Variants in NIPSNAP3B observed in about 807,000 individuals in gnomAD.
NIPSNAP3B encodes nipsnap homolog 3B.
Under a neutral mutation model 31.5 loss-of-function variants are expected in NIPSNAP3B, and 30 were observed. The ratio of observed to expected loss-of-function variants is 0.95; its 90% CI spans 0.71 to 1.29. NIPSNAP3B has a LOEUF of 1.29. NIPSNAP3B is among the 50% of genes most tolerant of loss of function. The pLI, the probability that NIPSNAP3B is intolerant of heterozygous loss-of-function variation, is 0.00. For synonymous variants in NIPSNAP3B, 106 were observed against 107.9 expected (o/e 0.98, Z 0.11); for missense variants, 269 against 300.7 (o/e 0.89, Z 0.78).
the NIPSNAP3B span, chr9:104,788,451 C>T: frequency 6.2e-7 from 1 of 1,614,150 alleles, no homozygotes. Context: ...CTCTGGGACT[C>T]CTCTCAAAAG....
Position 104,772,923 on chromosome 9 carries a change from T to A in NIPSNAP3B, c.667+15T>A. 1 of 1,613,762 alleles carries A rather than the reference T, an allele frequency of 6.2e-7. No homozygotes were observed. Among genetic ancestry groups the A allele is most frequent in the Non-Finnish European group, 8.5e-7 (1 of 1,179,844 alleles). ...TGTGGCGGCTGGTAAGCTGTTTCAC[T>A]AAGCACGAATTATTTTTAGAACAAA... On this transcript the variant is annotated intron_variant, in intron 5 of 5. Transcript: ENST00000374762.
intron 4 of NIPSNAP3B, among the ~76,000 whole-genome samples, chr9:104,772,312 A>G (rs1236950895): frequency 3.9e-5 from 1 of 25,464 alleles, no homozygotes; most frequent in African/African-American, 1.6e-4. Context: ...TTCAAAATTA[A>G]TATCATTGAC....
At chr9:104,769,233 C>T (rs1828156021) in intron 3 of NIPSNAP3B, among the ~76,000 whole-genome samples, 1 of 152,092 alleles carries the variant, frequency 6.6e-6, no homozygotes, top group Non-Finnish European at 1.5e-5. Flanking sequence ...GCGGGCGAAT[C>T]ACTTGAGGTC....
the NIPSNAP3B span, chr9:104,788,083 G>A: frequency 9.3e-6 from 15 of 1,611,086 alleles, no homozygotes; most frequent in African/African-American, 1.3e-5. Flanking sequence ...CCTTGACTTT[G>A]GTCTGGCTTG....
the NIPSNAP3B span, among the ~76,000 whole-genome samples, chr9:104,790,408 TA>T: frequency 6.6e-6 from 1 of 152,204 alleles, no homozygotes; most frequent in Non-Finnish European, 1.5e-5. Context: ...TACATGTACA[TA>T]GGGGGATTTT....
chr9:104,781,667 G>A (rs1288099876), downstream of NIPSNAP3B: 1 of 152,558 alleles, frequency 6.6e-6, no homozygotes, highest in East Asian at 1.9e-4. Context: ...GAATTGTGCT[G>A]GGCATTTATG....
the NIPSNAP3B span, chr9:104,788,548 C>T: frequency 6.2e-7 from 1 of 1,614,162 alleles, no homozygotes; most frequent in Non-Finnish European, 8.5e-7. Context: ...TGATGTACTT[C>T]ATGGATGTTT....
At chr9:104,780,444 T>C (rs1828451942), downstream of NIPSNAP3B, among the ~76,000 whole-genome samples, 1 of 152,240 alleles carries the variant, frequency 6.6e-6, no homozygotes, top group African/African-American at 2.4e-5. Context: ...TAATGAGCTA[T>C]GAAAAATACA....
At chr9:104,786,312 C>T in the NIPSNAP3B span, 1 of 1,613,854 alleles carries the variant, frequency 6.2e-7, no homozygotes, top group Non-Finnish European at 8.5e-7. Flanking sequence ...TTTTTAGATG[C>T]TGGACACTGC....
downstream of NIPSNAP3B, among the ~76,000 whole-genome samples, chr9:104,779,711 A>G (rs541917425): frequency 6.6e-6 from 1 of 151,884 alleles, no homozygotes; most frequent in East Asian, 1.9e-4. Flanking sequence ...GCTTTTCTAC[A>G]GATAGAAGAA....
chr9:104,766,674 A>T, intron 2 of NIPSNAP3B, 139 bp downstream of exon 2: 1 of 790,916 alleles, frequency 1.3e-6, no homozygotes, highest in Non-Finnish European at 2.0e-6. Flanking sequence ...CCAAAAAAAT[A>T]AATTTAGCAG....
downstream of NIPSNAP3B, chr9:104,782,072 C>A (rs937477753): frequency 6.6e-6 from 1 of 151,906 alleles, no homozygotes; most frequent in Non-Finnish European, 1.5e-5. Flanking sequence ...ATCAGAGGAA[C>A]CGAAGTAAGG....
chr9:104,772,698 A>G, intron 4 of NIPSNAP3B, 124 bp from the exon 5 acceptor site: 1 of 1,144,964 alleles, frequency 8.7e-7, no homozygotes. Flanking sequence ...TATAACTAAC[A>G]TATTTAGTTT....
chr9:104,785,560 G>T, the NIPSNAP3B span: 1 of 1,613,354 alleles, frequency 6.2e-7, no homozygotes, highest in Non-Finnish European at 8.5e-7. Context: ...GGAAATGCAA[G>T]TCCAAAGAAA....
Position 104,774,563 on chromosome 9 carries a change from A to G in NIPSNAP3B, c.*1490A>G, listed in dbSNP as rs1828293777. 6.6e-6 allele frequency among the ~76,000 whole-genome samples: 1 copy of G among 152,238 alleles called. No individual in the cohort carries two copies. The highest frequency in any genetic ancestry group is 2.1e-4 in the South Asian group (1 of 4,834). On this transcript the variant is annotated 3_prime_UTR_variant, in exon 6 of 6. Transcript: ENST00000374762. ...TAGTACCTTAGGGTTATGAACATCA[A>G]TTACCTTTGAGCCTTACTATATTTA...
the NIPSNAP3B span, chr9:104,787,724 G>A: frequency 9.6e-6 from 5 of 521,556 alleles, no homozygotes; most frequent in Non-Finnish European, 1.2e-5. Flanking sequence ...CTCTATTTGG[G>A]AGCATCTGCA....
chr9:104,785,066 T>C, the NIPSNAP3B span, among the ~76,000 whole-genome samples: 1 of 152,216 alleles, frequency 6.6e-6, no homozygotes, highest in African/African-American at 2.4e-5. Context: ...TGAGTACTTC[T>C]TAAGTGTCAG....
the NIPSNAP3B span, chr9:104,785,565 A>G: frequency 2.5e-6 from 4 of 1,614,202 alleles, no homozygotes; most frequent in Non-Finnish European, 3.4e-6. Flanking sequence ...TGCAAGTCCA[A>G]AGAAATCCTG....
chr9:104,764,330 T>A, intron 1 of NIPSNAP3B, 30 bp downstream of exon 1: 1 of 1,547,948 alleles, frequency 6.5e-7, no homozygotes. Context: ...GCCCGAGCCC[T>A]GGCCGGAGGG....
Sources: allele counts gnomAD v4.1 joint callset (sites outside exome capture counted in the v4.1 genomes callset), GRCh38; gene constraint gnomAD v4.1.1; transcripts MANE v1.5; gene names NCBI Gene and HGNC (gene_info 2026-07-23, HGNC 2026-07-21).